The following ADK variants were observed in gnomAD, a reference collection of about 807,000 sequenced individuals.
The protein encoded by ADK is adenosine kinase, also known as N6,N6-dimethyladenosine kinase.
In ADK, 24 loss-of-function variants were observed where a neutral mutation model predicts 44.7. The ratio of observed to expected loss-of-function variants is 0.54; its 90% CI spans 0.39 to 0.76. The LOEUF is 0.76. Among genes scored for constraint, ADK ranks in the 30% least tolerant of loss-of-function variants. The probability of loss-of-function intolerance (pLI) is 0.00; values close to 1 mark genes in which losing one functional copy is unlikely to be tolerated. For synonymous variants in ADK, 128 were observed against 142.6 expected, an observed-to-expected ratio of 0.90 and a Z score of 0.73; for missense variants, 321 against 425.1, an observed-to-expected ratio of 0.76 and a Z score of 2.15.
At chr10:74,208,256 G>A (rs1015375062) in intron 2 of ADK, among the ~76,000 whole-genome samples, 4 of 152,258 alleles carry the variant, frequency 2.6e-5, no homozygotes, top group African/African-American at 9.6e-5. Context: ...AGGAGGGTGG[G>A]GCTCCAGCCC....
At chr10:74,669,821 T>A (rs1338389) in intron 9 of ADK, among the ~76,000 whole-genome samples, 123,415 of 152,116 alleles carry the variant, frequency 0.81, 50,497 homozygotes, top group African/African-American at 0.91. Context: ...TCGAAGCTTT[T>A]TTAGAAACCC....
chr10:74,696,721 T>G (rs1412072173), intron 10 of ADK, among the ~76,000 whole-genome samples: 1 of 152,216 alleles, frequency 6.6e-6, no homozygotes, highest in Admixed American at 6.5e-5. Context: ...ATTTGTAATT[T>G]TACTGTTTCC....
intron 3 of ADK, among the ~76,000 whole-genome samples, chr10:74,239,050 A>G (rs1322727085): frequency 6.6e-6 from 1 of 151,920 alleles, no homozygotes; most frequent in Non-Finnish European, 1.5e-5. Context: ...TTTAGTAGAG[A>G]GTACTTTTTA....
At chr10:74,593,110 T>C (rs1040188267) in intron 8 of ADK, among the ~76,000 whole-genome samples, 4 of 143,136 alleles carry the variant, frequency 2.8e-5, no homozygotes, top group Non-Finnish European at 5.9e-5. Context: ...TTCACAAATA[T>C]AAATAGTGCA....
chr10:74,289,053 C>G (rs868116182), intron 3 of ADK, among the ~76,000 whole-genome samples: 7 of 152,098 alleles, frequency 4.6e-5, no homozygotes, highest in African/African-American at 1.7e-4. Context: ...AGTTTATTCT[C>G]AATATTGTTG....
At chr10:74,409,411 T>C (rs1844082914) in intron 6 of ADK, among the ~76,000 whole-genome samples, 1 of 152,228 alleles carries the variant, frequency 6.6e-6, no homozygotes, top group African/African-American at 2.4e-5. Context: ...GCCAAATTTG[T>C]ACCCTGTTTC....
chr10:74,462,809 T>G (rs1846217770), intron 6 of ADK, among the ~76,000 whole-genome samples: 1 of 152,168 alleles, frequency 6.6e-6, no homozygotes. Context: ...CTTGGGCTTT[T>G]TATGAAAAAT....
rs558704232 is a variant in ADK at position 74,173,708 on chromosome 10, C to T, written c.65+22365C>T. ...CCTCCCAAAGTGCTGGGATTACAGG[C>T]GTGAGCCACTGTGCCTGGCTTTAAT... On this transcript the variant is annotated intron_variant, in intron 1 of 10. Transcript: ENST00000539909. Among the ~76,000 whole-genome samples the T allele has an allele frequency of 2.4e-3, 361 of 151,700 alleles. 2 individuals carry two copies. Among genetic ancestry groups the T allele is most frequent in the African/African-American group, 7.7e-3 (318 of 41,340 alleles).
At chr10:74,337,263 C>G (rs1200497102) in intron 4 of ADK, among the ~76,000 whole-genome samples, 2 of 152,180 alleles carry the variant, frequency 1.3e-5, no homozygotes, top group Non-Finnish European at 2.9e-5. Context: ...TGGGATAATT[C>G]TGGGAAAGTC....
At chr10:74,496,056 G>T (rs752146407) in intron 6 of ADK, among the ~76,000 whole-genome samples, 1 of 152,016 alleles carries the variant, frequency 6.6e-6, no homozygotes, top group Admixed American at 6.5e-5. Context: ...TTTCATTATT[G>T]TCTTGAGATG....
At chr10:74,656,113 T>A in intron 9 of ADK, 1 of 373,466 alleles carries the variant, frequency 2.7e-6, no homozygotes, top group South Asian at 3.6e-5. Flanking sequence ...TTTGAATCCC[T>A]CTTGGATCAC....
chr10:74,443,290 T>C (rs922224283), intron 6 of ADK, among the ~76,000 whole-genome samples: 2 of 152,126 alleles, frequency 1.3e-5, no homozygotes, highest in Admixed American at 6.6e-5. Context: ...ATAAATGTAA[T>C]TTTTGTCAGT....
At chr10:74,376,385 A>G (rs150290496) in intron 4 of ADK, among the ~76,000 whole-genome samples, 1 of 151,996 alleles carries the variant, frequency 6.6e-6, no homozygotes, top group Non-Finnish European at 1.5e-5. Context: ...TATTTATTTC[A>G]TAGCTTTTTA....
chr10:74,159,965 C>G (rs1564566095), intron 1 of ADK, among the ~76,000 whole-genome samples: 1 of 152,172 alleles, frequency 6.6e-6, no homozygotes, highest in Non-Finnish European at 1.5e-5. Context: ...TTCAATTTAT[C>G]TCTCACGTAG....
chr10:74,357,181 T>A (rs1842174089), intron 4 of ADK, among the ~76,000 whole-genome samples: 2 of 152,208 alleles, frequency 1.3e-5, no homozygotes, highest in Admixed American at 1.3e-4. Context: ...AGTAATAAAT[T>A]GTCTTTGTTT....
At chr10:74,534,147 A>C (rs536230387) in intron 7 of ADK, among the ~76,000 whole-genome samples, 1 of 152,346 alleles carries the variant, frequency 6.6e-6, no homozygotes, top group South Asian at 2.1e-4. Flanking sequence ...ACAAACGGGC[A>C]TGAGGAAACT....
intron 4 of ADK, among the ~76,000 whole-genome samples, chr10:74,384,819 CA>C (rs1843089319): frequency 6.6e-6 from 1 of 152,100 alleles, no homozygotes; most frequent in African/African-American, 2.4e-5. Context: ...ACATTGCATT[CA>C]AGAGTGTTAA....
chr10:74,224,976 C>T (rs548060137), intron 3 of ADK, among the ~76,000 whole-genome samples: 10 of 152,282 alleles, frequency 6.6e-5, no homozygotes, highest in South Asian at 4.1e-4. Flanking sequence ...GGTCTTACTC[C>T]GGTGGATCAC....
intron 9 of ADK, among the ~76,000 whole-genome samples, chr10:74,624,782 A>G (rs1314823096): frequency 6.6e-6 from 1 of 152,112 alleles, no homozygotes; most frequent in Non-Finnish European, 1.5e-5. Flanking sequence ...ACCAGCCCAT[A>G]TGGTCACACT....
Sources: gnomAD v4.1 joint callset for allele counts (sites outside exome capture counted in the v4.1 genomes callset) on GRCh38, gnomAD v4.1.1 for gene constraint, MANE v1.5 for transcripts, NCBI Gene and HGNC (gene_info 2026-07-23, HGNC 2026-07-21) for gene names.